OSBP2: variants seen among roughly 807,000 people sequenced by gnomAD.
OSBP2 encodes oxysterol-binding protein 2.
OSBP2 carries 66 observed loss-of-function variants against 96.0 expected under a neutral mutation model. The observed-to-expected ratio is 0.69, with a 90% confidence interval of 0.56 to 0.84. The LOEUF is 0.84. OSBP2 is among the 40% of genes least tolerant of loss of function. The probability of loss-of-function intolerance (pLI) is 0.00; values close to 1 mark genes in which losing one functional copy is unlikely to be tolerated. For synonymous variants in OSBP2, 525 were observed against 520.9 expected, an observed-to-expected ratio of 1.01 and a Z score of -0.11; for missense variants, 1,038 against 1,222.7, an observed-to-expected ratio of 0.85 and a Z score of 2.25.
chr22:30,696,338 G>C (rs918920456), intron 1 of OSBP2, among the ~76,000 whole-genome samples: 1 of 152,192 alleles, frequency 6.6e-6, no homozygotes, highest in African/African-American at 2.4e-5. Flanking sequence ...TGAGAACTCA[G>C]ATCAGTCTAT....
chr22:30,857,767 T>C (rs1056130178), intron 2 of OSBP2, among the ~76,000 whole-genome samples: 4 of 152,160 alleles, frequency 2.6e-5, no homozygotes, highest in African/African-American at 9.7e-5. Context: ...GCTTGAGTCA[T>C]GAAAGGGAAA....
chr22:30,745,928 GC>G (rs2089994465), intron 2 of OSBP2, among the ~76,000 whole-genome samples: 1 of 152,134 alleles, frequency 6.6e-6, no homozygotes, highest in Non-Finnish European at 1.5e-5. Context: ...AACAGTTTAT[GC>G]CAACAAATTA....
chr22:30,889,478 C>G lies in OSBP2; in HGVS notation c.1477-12C>G. 1 of 1,614,056 alleles carries G rather than the reference C, an allele frequency of 6.2e-7. No individual in the cohort carries two copies. The highest frequency in any genetic ancestry group is 8.5e-7 in the Non-Finnish European group (1 of 1,179,988). Reference sequence around the variant, plus strand: ...TCTGCTGACGGTGAGGGGGTCCCCACTTATGTGGCAGGTACTAGATGGTGC... The same window carrying G: ...TCTGCTGACGGTGAGGGGGTCCCCAGTTATGTGGCAGGTACTAGATGGTGC... On this transcript the variant is annotated splice_polypyrimidine_tract_variant and intron_variant, in intron 6 of 13. Transcript: ENST00000332585.
At chr22:30,903,768 GTGTT>G (rs1345462775) in intron 12 of OSBP2, among the ~76,000 whole-genome samples, 1 of 152,242 alleles carries the variant, frequency 6.6e-6, no homozygotes, top group Non-Finnish European at 1.5e-5. Flanking sequence ...TGTTGCCTGT[GTGTT>G]TGTGTTTATC....
rs1368748746 is a variant in OSBP2, at chr22:30,887,572, C to T, written c.1254C>T (p.His418=). The change falls in exon 4 of 14, where the codon CAC becomes CAT. Residue 418 remains histidine (H), a synonymous_variant. Coordinates refer to ENST00000332585, the MANE Select transcript of OSBP2 (RefSeq NM_030758.4). ...ACAACAGCCTCGAGCGGGCCTTCCA[C>T]AGTGCCCCTGGCCGGCCGGCCAACC... is the stretch of plus-strand genomic sequence containing the variant. ...KQHNSLERAF[H]SAPGRPANPS... is the part of the protein sequence containing the mutation. The T allele has an allele frequency of 6.2e-7, 1 of 1,612,810 alleles. No homozygotes were observed. The highest frequency in any genetic ancestry group is 1.1e-5 in the South Asian group (1 of 90,992).
chr22:30,898,214 TGA>T (rs1280360932), intron 12 of OSBP2, among the ~76,000 whole-genome samples: 1 of 152,010 alleles, frequency 6.6e-6, no homozygotes, highest in East Asian at 1.9e-4. Flanking sequence ...TAGCCAGGCA[TGA>T]TGGTACATGC....
chr22:30,699,022 C>A (rs999403235), intron 1 of OSBP2, among the ~76,000 whole-genome samples: 1 of 151,942 alleles, frequency 6.6e-6, no homozygotes, highest in South Asian at 2.1e-4. Flanking sequence ...GCTTACTACA[C>A]CCTCCCACTC....
At chr22:30,738,911 A>C (rs1435119294) in intron 1 of OSBP2, among the ~76,000 whole-genome samples, 1 of 152,210 alleles carries the variant, frequency 6.6e-6, no homozygotes, top group African/African-American at 2.4e-5. Flanking sequence ...AACTGATAGA[A>C]GAATCAAAAA....
At chr22:30,728,386 C>A (rs1435452140) in intron 1 of OSBP2, among the ~76,000 whole-genome samples, 2 of 122,724 alleles carry the variant, frequency 1.6e-5, no homozygotes, top group Non-Finnish European at 3.5e-5. Context: ...CAGAGCAAGA[C>A]TCCGTCTCAA....
chr22:30,897,345 A>G (rs2040088077), intron 12 of OSBP2, among the ~76,000 whole-genome samples: 1 of 152,244 alleles, frequency 6.6e-6, no homozygotes, highest in African/African-American at 2.4e-5. Flanking sequence ...CAGCAAGTAT[A>G]TGGAGATCCA....
intron 2 of OSBP2, among the ~76,000 whole-genome samples, chr22:30,859,920 C>T (rs187609966): frequency 6.6e-6 from 1 of 152,242 alleles, no homozygotes; most frequent in East Asian, 1.9e-4. Context: ...AGCCAGGATG[C>T]CTGGCCGCCG....
chr22:30,880,274 G>A (rs1569163154), intron 3 of OSBP2, among the ~76,000 whole-genome samples: 1 of 152,220 alleles, frequency 6.6e-6, no homozygotes, highest in African/African-American at 2.4e-5. Flanking sequence ...CTTGGCCCTA[G>A]AAACCTGGAG....
intron 12 of OSBP2, chr22:30,902,258 G>C (rs1488880803): frequency 1.3e-6 from 2 of 1,584,230 alleles, no homozygotes; most frequent in Non-Finnish European, 1.7e-6. Flanking sequence ...TTTTAATATG[G>C]TTCAGGGCGA....
At chr22:30,695,629 G>T (rs1393187442) in intron 1 of OSBP2, 76 bp downstream of exon 1, 1 of 1,536,002 alleles carries the variant, frequency 6.5e-7, no homozygotes, top group South Asian at 1.3e-5. Flanking sequence ...GGGCCTCCAT[G>T]GTTGGCGGAC....
At chr22:30,726,214 G>T (rs192744276) in intron 1 of OSBP2, among the ~76,000 whole-genome samples, 88 of 152,266 alleles carry the variant, frequency 5.8e-4, no homozygotes, top group African/African-American at 1.8e-3. Flanking sequence ...ATTTACAATA[G>T]CAAAACTTGG....
chr22:30,824,828 G>A (rs1044327953), intron 2 of OSBP2, among the ~76,000 whole-genome samples: 10 of 152,194 alleles, frequency 6.6e-5, no homozygotes, highest in African/African-American at 2.4e-4. Flanking sequence ...TGAGGTCCAG[G>A]CGGTGCCCAT....
intron 2 of OSBP2, among the ~76,000 whole-genome samples, chr22:30,800,887 C>T (rs1195649451): frequency 2.0e-5 from 3 of 151,938 alleles, no homozygotes; most frequent in African/African-American, 7.3e-5. Flanking sequence ...AAATTCTAAG[C>T]TTTGTTTTAA....
chr22:30,887,104 A>G (rs1172875979), intron 3 of OSBP2, among the ~76,000 whole-genome samples: 3 of 152,146 alleles, frequency 2.0e-5, no homozygotes, highest in African/African-American at 7.2e-5. Context: ...TGATGTTGCC[A>G]TGGCATCTGT....
At chr22:30,757,527 C>T (rs2145766561) in intron 2 of OSBP2, among the ~76,000 whole-genome samples, 1 of 152,138 alleles carries the variant, frequency 6.6e-6, no homozygotes, top group Middle Eastern at 3.4e-3. Context: ...AAGTGATTCT[C>T]CTGTCTCAGT....
Sources: allele counts gnomAD v4.1 joint callset (sites outside exome capture counted in the v4.1 genomes callset), GRCh38; gene constraint gnomAD v4.1.1; transcripts MANE v1.5; gene names NCBI Gene and HGNC (gene_info 2026-07-23, HGNC 2026-07-21).